Variants in WDR41 observed in about 807,000 individuals in gnomAD.
The protein encoded by WDR41 is WD repeat-containing protein 41.
A neutral mutation model predicts 69.3 loss-of-function variants in WDR41; 63 were observed. The observed-to-expected ratio is 0.91, with a 90% CI of 0.74 to 1.12. The LOEUF (loss-of-function observed/expected upper bound fraction) is 1.12, where lower values mean the gene tolerates loss of function less well. Among genes scored for constraint, WDR41 ranks in the 50% most tolerant of loss-of-function variants. The probability of loss-of-function intolerance (pLI) is 0.00; values close to 1 mark genes in which losing one functional copy is unlikely to be tolerated. For synonymous variants in WDR41, 185 were observed against 192.1 expected (o/e 0.96, Z 0.31); for missense variants, 543 against 534.5 (o/e 1.02, Z -0.16).
At chr5:77,590,733 C>T (rs1025289153) in intron 1 of WDR41, among the ~76,000 whole-genome samples, 1 of 152,280 alleles carries the variant, frequency 6.6e-6, no homozygotes, top group African/African-American at 2.4e-5. Context: ...TATATTTCTC[C>T]CTTTCCCCTT....
At chr5:77,433,318 A>AC (rs2151280034) in intron 12 of WDR41, 31 bp from the exon 13 acceptor site, 2 of 1,598,614 alleles carry the variant, frequency 1.3e-6, no homozygotes, top group Non-Finnish European at 1.7e-6. Flanking sequence ...GATTATAGGG[A>AC]CCCCGAAAAG....
At chr5:77,544,404 A>G (rs1743151143) in intron 1 of WDR41, among the ~76,000 whole-genome samples, 1 of 152,104 alleles carries the variant, frequency 6.6e-6, no homozygotes, top group African/African-American at 2.4e-5. Flanking sequence ...GTCACCAACC[A>G]TCTGCTGGCT....
At chr5:77,476,341 C>T (rs989651946) in intron 2 of WDR41, among the ~76,000 whole-genome samples, 5 of 150,680 alleles carry the variant, frequency 3.3e-5, no homozygotes, top group East Asian at 2.0e-4. Context: ...AGATACTCCT[C>T]GAGAAGAGCA....
rs34773798 is a variant in WDR41 at position 77,517,631 on chromosome 5, C to CATATATAT, written c.43-28067_43-28060dup. On this transcript the variant is annotated intron_variant, in intron 1 of 5. Coordinates refer to the WDR41 transcript ENST00000509971. ...TTGACATTTATTCATATTTATTGAA[C>CATATATAT]ATATATATATATATATATATATATA... Among the ~76,000 whole-genome samples, 534 of 141,146 alleles carry CATATATAT rather than the reference C, an allele frequency of 3.8e-3. 4 individuals are homozygous for CATATATAT. Among genetic ancestry groups the CATATATAT allele is most frequent in the African/African-American group, 6.1e-3 (230 of 37,552 alleles). 92.6% of individuals were successfully genotyped at this position (141,146 alleles called of 152,430 possible).
rs983131688 is a variant in WDR41 at position 77,432,891 on chromosome 5, A to G, written c.*244T>C. On this transcript the variant is annotated 3_prime_UTR_variant, in exon 13 of 13. Transcript: ENST00000296679. ...AAAATAAGCTCAAAACACAGCACTCACCACTTCAACAGCAGCTCAAAGTCA... is the reference window on the plus strand; with the variant it reads ...AAAATAAGCTCAAAACACAGCACTCGCCACTTCAACAGCAGCTCAAAGTCA... The G allele has an allele frequency of 2.0e-5, 8 of 396,062 alleles. No individual in the cohort carries two copies. The highest frequency in any genetic ancestry group is 3.1e-5 in the Non-Finnish European group (7 of 224,384). The allele number at this position is 396,062 out of a possible 1,614,324, so 24.5% of individuals were successfully genotyped here. A position where few individuals can be genotyped will look rare whatever the true frequency, so the allele number is the denominator to read the frequency against.
chr5:77,556,712 G>A (rs1743409350), intron 1 of WDR41, among the ~76,000 whole-genome samples: 2 of 152,118 alleles, frequency 1.3e-5, no homozygotes, highest in South Asian at 4.1e-4. Flanking sequence ...TCCAAAACTG[G>A]TTCAGATATC....
intron 1 of WDR41, among the ~76,000 whole-genome samples, chr5:77,514,085 T>C (rs1161745404): frequency 2.0e-5 from 3 of 152,214 alleles, no homozygotes; most frequent in Non-Finnish European, 2.9e-5. Context: ...TAAAATGTTT[T>C]TCATACAAGT....
At chr5:77,443,960 G>A (rs918052157) in intron 8 of WDR41, among the ~76,000 whole-genome samples, 3 of 137,120 alleles carry the variant, frequency 2.2e-5, no homozygotes, top group Admixed American at 8.1e-5. Flanking sequence ...TTGGCTCCCT[G>A]TAACCTCCAC....
chr5:77,484,538 T>C (rs936564877), intron 2 of WDR41, among the ~76,000 whole-genome samples: 5 of 152,186 alleles, frequency 3.3e-5, no homozygotes, highest in Admixed American at 6.5e-5. Flanking sequence ...ATTAATATTG[T>C]AGCTGCTGGA....
chr5:77,503,067 C>T (rs553096410), intron 1 of WDR41, among the ~76,000 whole-genome samples: 12 of 151,668 alleles, frequency 7.9e-5, no homozygotes, highest in African/African-American at 1.9e-4. Flanking sequence ...AAACACAGAC[C>T]GGCAAATTGG....
At chr5:77,603,205 G>A (rs1744356738) in intron 1 of WDR41, among the ~76,000 whole-genome samples, 1 of 152,082 alleles carries the variant, frequency 6.6e-6, no homozygotes, top group Non-Finnish European at 1.5e-5. Flanking sequence ...CAAAGTGCTG[G>A]GATTACAGGC....
At chr5:77,534,051 A>G (rs1295181550) in intron 1 of WDR41, among the ~76,000 whole-genome samples, 1 of 152,194 alleles carries the variant, frequency 6.6e-6, no homozygotes, top group Non-Finnish European at 1.5e-5. Flanking sequence ...AACCTATAAA[A>G]TACAATGTAA....
At chr5:77,458,929 GCAAATGACTA>G (rs1799933925) in intron 5 of WDR41, 123 bp downstream of exon 5, 1 of 582,144 alleles carries the variant, frequency 1.7e-6, no homozygotes, top group South Asian at 2.9e-5. Context: ...CTTACACGAA[GCAAATGACTA>G]CAAGTGTGTG....
intron 2 of WDR41, among the ~76,000 whole-genome samples, chr5:77,472,325 T>C (rs1800662769): frequency 6.6e-6 from 1 of 152,090 alleles, no homozygotes; most frequent in Non-Finnish European, 1.5e-5. Context: ...TCATACTGAA[T>C]GGGCAAAAAC....
At chr5:77,512,355 AGTGTGT>A (rs111485869) in intron 1 of WDR41, among the ~76,000 whole-genome samples, 14,700 of 119,030 alleles carry the variant, frequency 0.12, 906 homozygotes, top group Middle Eastern at 0.18. Flanking sequence ...AGAGAGAGTG[AGTGTGT>A]GTGTGTGTGT....
intron 1 of WDR41, among the ~76,000 whole-genome samples, chr5:77,533,029 A>G (rs1434905418): frequency 6.6e-6 from 1 of 152,160 alleles, no homozygotes; most frequent in African/African-American, 2.4e-5. Flanking sequence ...TTTAAAAGTA[A>G]AAAATATCTT....
At chr5:77,609,476 G>A (rs1451475796) in intron 1 of WDR41, among the ~76,000 whole-genome samples, 2 of 152,140 alleles carry the variant, frequency 1.3e-5, no homozygotes, top group Admixed American at 1.3e-4. Flanking sequence ...AGGAACGACT[G>A]GACAGCAGCA....
At chr5:77,519,591 C>T (rs866485903) in intron 1 of WDR41, among the ~76,000 whole-genome samples, 36 of 151,504 alleles carry the variant, frequency 2.4e-4, no homozygotes, top group African/African-American at 8.0e-4. Context: ...TCTTGTGAAA[C>T]TTGTACCAGG....
At chr5:77,545,992 T>TGGCATCATC (rs1010017218) in intron 1 of WDR41, 2 of 489,360 alleles carry the variant, frequency 4.1e-6, no homozygotes, top group Non-Finnish European at 7.1e-6. Context: ...CCAGGAGCAC[T>TGGCATCATC]GGCATCATCT....
Sources: allele counts gnomAD v4.1 joint callset (sites outside exome capture counted in the v4.1 genomes callset), GRCh38; gene constraint gnomAD v4.1.1; transcripts MANE v1.5; gene names NCBI Gene and HGNC (gene_info 2026-07-23, HGNC 2026-07-21).